NLGN4Y: variants seen among roughly 807,000 people sequenced by gnomAD.
NLGN4Y encodes neuroligin-4, Y-linked.
A neutral mutation model predicts 8.4 loss-of-function variants in NLGN4Y; 4 were observed. That is an observed-to-expected ratio of 0.48 (90% CI 0.23 to 1.09). The LOEUF (loss-of-function observed/expected upper bound fraction) is 1.09, where lower values mean the gene tolerates loss of function less well. NLGN4Y is among the 50% of genes least tolerant of loss of function. The pLI, the probability that NLGN4Y is intolerant of heterozygous loss-of-function variation, is 0.19. For synonymous variants in NLGN4Y, 35 were observed against 75.6 expected (o/e 0.46, Z 2.78); for missense variants, 90 against 192.3 (o/e 0.47, Z 3.15).
chrY:14,569,877 A>G (rs2080264108), intron 1 of NLGN4Y, among the ~76,000 whole-genome samples: 1 of 33,478 alleles, frequency 3.0e-5, no homozygotes, highest in African/African-American at 1.2e-4. Context: ...ACATTTCCCT[A>G]ATGAACAGTA....
intron 1 of NLGN4Y, among the ~76,000 whole-genome samples, chrY:14,591,039 A>T (rs2080369232): frequency 3.0e-5 from 1 of 33,258 alleles, no homozygotes; most frequent in Non-Finnish European, 7.4e-5. Flanking sequence ...AGCCATTCCT[A>T]ACACTATAAG....
At chrY:14,698,146 A>G in intron 2 of NLGN4Y, among the ~76,000 whole-genome samples, 2 of 33,503 alleles carry the variant, frequency 6.0e-5, no homozygotes, top group Non-Finnish European at 1.5e-4. Flanking sequence ...TTGGTTTCCA[A>G]TGAGATACTC....
intron 4 of NLGN4Y, among the ~76,000 whole-genome samples, chrY:14,785,924 GA>G (rs2042965482): frequency 2.8e-4 from 9 of 32,452 alleles, no homozygotes; most frequent in Non-Finnish European, 6.8e-4. Flanking sequence ...GAACCAAAAA[GA>G]AAAAAAGAAA....
At chrY:14,548,626 C>T (rs2080180628) in intron 1 of NLGN4Y, among the ~76,000 whole-genome samples, 1 of 32,627 alleles carries the variant, frequency 3.1e-5, no homozygotes, top group African/African-American at 1.2e-4. Flanking sequence ...TCTCTTACAC[C>T]TTTTTTTTTC....
At chrY:14,821,199 G>T in intron 4 of NLGN4Y, among the ~76,000 whole-genome samples, 1 of 33,493 alleles carries the variant, frequency 3.0e-5, no homozygotes, top group Non-Finnish European at 7.4e-5. Flanking sequence ...GTGGGTTCGT[G>T]GTCTTGCTGA....
chrY:14,628,797 TA>T (rs2080538377), intron 2 of NLGN4Y, among the ~76,000 whole-genome samples: 1 of 31,878 alleles, frequency 3.1e-5, no homozygotes, highest in African/African-American at 1.2e-4. Flanking sequence ...TTTTTATTCT[TA>T]TTTTTTTTTA....
intron 1 of NLGN4Y, among the ~76,000 whole-genome samples, chrY:14,534,803 G>GTA (rs2080126462): frequency 3.2e-5 from 1 of 31,149 alleles, no homozygotes; most frequent in African/African-American, 1.3e-4. Flanking sequence ...GTGTGTGTGT[G>GTA]TGTTTAATCT....
chrY:14,660,056 A>G, intron 2 of NLGN4Y, among the ~76,000 whole-genome samples: 1 of 33,763 alleles, frequency 3.0e-5, no homozygotes, highest in Non-Finnish European at 7.4e-5. Flanking sequence ...CACTGGGATT[A>G]CAAGTGTGAA....
At chrY:14,573,795 T>C in intron 1 of NLGN4Y, among the ~76,000 whole-genome samples, 4 of 33,745 alleles carry the variant, frequency 1.2e-4, no homozygotes, top group African/African-American at 2.3e-4. Flanking sequence ...TGGTAGGTAG[T>C]GTCTTTGTTC....
chrY:14,563,689 G>A, intron 1 of NLGN4Y, among the ~76,000 whole-genome samples: 2 of 33,273 alleles, frequency 6.0e-5, no homozygotes, highest in Non-Finnish European at 1.5e-4. Flanking sequence ...TTGTTGGTAG[G>A]CTATTTATTA....
At chrY:14,793,084 C>T in intron 4 of NLGN4Y, among the ~76,000 whole-genome samples, 1 of 32,514 alleles carries the variant, frequency 3.1e-5, no homozygotes, top group Non-Finnish European at 7.5e-5. Flanking sequence ...ATAGGAAATT[C>T]ACGATCTCTT....
chrY:14,666,373 C>T, intron 2 of NLGN4Y, among the ~76,000 whole-genome samples: 1 of 33,733 alleles, frequency 3.0e-5, no homozygotes, highest in Non-Finnish European at 7.3e-5. Flanking sequence ...CCATGAAACC[C>T]TACCTTCTGG....
intron 4 of NLGN4Y, among the ~76,000 whole-genome samples, chrY:14,812,689 A>C (rs2150588403): frequency 3.1e-5 from 1 of 32,675 alleles, no homozygotes; most frequent in Non-Finnish European, 7.5e-5. Flanking sequence ...GATATTATGC[A>C]TGGCTCTCTC....
intron 1 of NLGN4Y, among the ~76,000 whole-genome samples, chrY:14,572,940 A>T: frequency 3.0e-5 from 1 of 33,403 alleles, no homozygotes; most frequent in Non-Finnish European, 7.4e-5. Context: ...CATCCCAGGG[A>T]TGAAGCCCAC....
chrY:14,732,593 T>C, intron 4 of NLGN4Y, among the ~76,000 whole-genome samples: 1 of 34,279 alleles, frequency 2.9e-5, no homozygotes, highest in Non-Finnish European at 7.3e-5. Context: ...TTTTGTTGTT[T>C]GTTTTGTTTT....
At chrY:14,781,800 T>A (rs2042944646) in intron 4 of NLGN4Y, among the ~76,000 whole-genome samples, 1 of 33,942 alleles carries the variant, frequency 2.9e-5, no homozygotes, top group Non-Finnish European at 7.3e-5. Context: ...TTAAATAATG[T>A]GATTTGATTT....
chrY:14,841,459 A>C lies in NLGN4Y; in HGVS notation c.*197A>C. ...TCCAGTATTGTGAGATCAATTTCTG[A>C]CCATATGAAATGTGAAAAGTATATG... On this transcript the variant is annotated 3_prime_UTR_variant, in exon 7 of 7. Coordinates refer to ENST00000684976, the MANE Select transcript of NLGN4Y (RefSeq NM_001365588.1). 1 of 171,260 alleles carries C rather than the reference A, an allele frequency of 5.8e-6. No individual in the cohort carries two copies. The highest frequency in any genetic ancestry group is 1.1e-5 in the Non-Finnish European group (1 of 90,479). 42.7% of individuals were successfully genotyped at this position (171,260 alleles called of 400,897 possible).
intron 1 of NLGN4Y, among the ~76,000 whole-genome samples, chrY:14,528,164 C>T: frequency 3.1e-5 from 1 of 31,753 alleles, no homozygotes; most frequent in Non-Finnish European, 7.6e-5. Flanking sequence ...TTCACATGTC[C>T]CTGATGTATG....
intron 1 of NLGN4Y, among the ~76,000 whole-genome samples, chrY:14,588,190 G>A: frequency 3.0e-5 from 1 of 33,685 alleles, no homozygotes; most frequent in Non-Finnish European, 7.3e-5. Flanking sequence ...TGTACATACT[G>A]TATTAGTTCA....
Sources: allele counts gnomAD v4.1 joint callset (sites outside exome capture counted in the v4.1 genomes callset), GRCh38; gene constraint gnomAD v4.1.1; transcripts MANE v1.5; gene names NCBI Gene and HGNC (gene_info 2026-07-23, HGNC 2026-07-21).